Variants in CFAP97 observed in about 807,000 individuals in gnomAD.
CFAP97 encodes cilia- and flagella-associated protein 97.
Under a neutral mutation model 43.1 loss-of-function variants are expected in CFAP97, and 36 were observed. The ratio of observed to expected loss-of-function variants is 0.84; its 90% CI spans 0.64 to 1.10. CFAP97 has a LOEUF of 1.10. Among genes scored for constraint, CFAP97 ranks in the 50% least tolerant of loss-of-function variants. CFAP97 has a pLI of 0.00. For missense variants in CFAP97, 657 were observed against 620.3 expected (o/e 1.06, Z -0.63); for synonymous variants, 228 against 225.7 (o/e 1.01, Z -0.09).
At chr4:185,181,255 G>A (rs917102932) in intron 2 of CFAP97, among the ~76,000 whole-genome samples, 13 of 136,580 alleles carry the variant, frequency 9.5e-5, no homozygotes, top group South Asian at 7.2e-4. Flanking sequence ...GCGAGACTCC[G>A]TCTCAAAAAA....
At chr4:185,179,079 A>G (rs905385636) in intron 2 of CFAP97, among the ~76,000 whole-genome samples, 7 of 152,152 alleles carry the variant, frequency 4.6e-5, no homozygotes, top group African/African-American at 1.2e-4. Context: ...ACGGGGTTTA[A>G]AAGTAAAACT....
At chr4:185,192,547 G>A (rs984070683) in intron 1 of CFAP97, among the ~76,000 whole-genome samples, 6 of 151,816 alleles carry the variant, frequency 4.0e-5, no homozygotes, top group African/African-American at 1.5e-4. Context: ...ATAAAAAATT[G>A]ATTTAAAATA....
intron 3 of CFAP97, 64 bp downstream of exon 3, chr4:185,175,722 A>G (rs1475846220): frequency 6.7e-7 from 1 of 1,490,314 alleles, no homozygotes; most frequent in African/African-American, 1.4e-5. Flanking sequence ...GGTTTCCTGT[A>G]AGCTGGACAT....
upstream of CFAP97, among the ~76,000 whole-genome samples, chr4:185,206,608 G>A (rs1453151545): frequency 3.8e-5 from 5 of 132,832 alleles, no homozygotes; most frequent in Admixed American, 9.2e-5. Flanking sequence ...GCAGTGAGCC[G>A]AGATTGCGCC....
chr4:185,160,307 G>A lies in CFAP97; in HGVS notation c.*2491C>T, dbSNP rs934677116. The A allele has an allele frequency of 2.0e-5, 3 of 151,916 alleles. No individual in the cohort carries two copies. Among genetic ancestry groups the A allele is most frequent in the Non-Finnish European group, 2.9e-5 (2 of 67,988 alleles). The allele number at this position is 151,916 out of a possible 1,614,324, so 9.4% of individuals were successfully genotyped here. On this transcript the variant is annotated 3_prime_UTR_variant, in exon 5 of 5. Transcript: ENST00000458385. ...GAATCTGGCCTAATAACCAGACCTCGGATTAGCATACTTTCTAGTTATAGA... is the reference window on the plus strand; with the variant it reads ...GAATCTGGCCTAATAACCAGACCTCAGATTAGCATACTTTCTAGTTATAGA...
At chr4:185,203,561 T>C (rs570425399) in intron 1 of CFAP97, among the ~76,000 whole-genome samples, 98 of 151,642 alleles carry the variant, frequency 6.5e-4, no homozygotes, top group East Asian at 3.1e-3. Context: ...TAGGTTCGAG[T>C]CCCTACAAGT....
chr4:185,197,102 TAAAA>T (rs60986571), intron 1 of CFAP97, among the ~76,000 whole-genome samples: 1 of 86,800 alleles, frequency 1.2e-5, no homozygotes, highest in Non-Finnish European at 2.1e-5. Flanking sequence ...CCCTCTTAAT[TAAAA>T]AAAAAAAAAA....
intron 2 of CFAP97, 67 bp downstream of exon 2, chr4:185,190,076 A>G: frequency 8.0e-7 from 1 of 1,247,754 alleles, no homozygotes; most frequent in Middle Eastern, 2.0e-4. Flanking sequence ...GCAAATTCAT[A>G]GCATTTAATA....
intron 1 of CFAP97, among the ~76,000 whole-genome samples, chr4:185,192,758 T>TTTTTTTC (rs376440116): frequency 7.8e-6 from 1 of 128,282 alleles, no homozygotes; most frequent in African/African-American, 2.9e-5. Flanking sequence ...TTTTTTTTTT[T>TTTTTTTC]GAGACGGAGT....
At position 185,175,800 on chromosome 4, in the gene CFAP97, C is replaced by T. The variant is rs1436717338; in HGVS notation, c.1306G>A (p.Glu436Lys). 6.2e-7 allele frequency: 1 copy of T among 1,612,412 alleles called. No homozygotes were observed. Among genetic ancestry groups the T allele is most frequent in the South Asian group, 1.1e-5 (1 of 90,736 alleles). The change falls in exon 3 of 5, where the codon GAG becomes AAG. Residue 436 changes from glutamate (E) to lysine (K), a missense_variant. Physicochemically the swap from Glu to Lys is moderately conservative, Grantham distance 56 (BLOSUM62 1). Coordinates refer to ENST00000458385, the MANE Select transcript of CFAP97 (RefSeq NM_020827.3). ...CAGTTACTTACCAAGTTTTCTCTCT[C>T]AATCCTTTGTTGTTCCTTCTGTCTG... ...LNRQKEQQRI[E>K]RENLALLKRL...
upstream of CFAP97, among the ~76,000 whole-genome samples, chr4:185,206,813 T>A (rs890241327): frequency 6.6e-6 from 1 of 152,188 alleles, no homozygotes; most frequent in Non-Finnish European, 1.5e-5. Context: ...TGATACACCC[T>A]TCGCCGGCTG....
intron 1 of CFAP97, among the ~76,000 whole-genome samples, chr4:185,198,681 G>A (rs543406993): frequency 7.9e-5 from 12 of 151,144 alleles, no homozygotes; most frequent in African/African-American, 2.7e-4. Context: ...CCCAGCTACA[G>A]AGGAGGCTGA....
intron 2 of CFAP97, among the ~76,000 whole-genome samples, chr4:185,176,620 G>A (rs185111315): frequency 3.9e-5 from 6 of 152,214 alleles, no homozygotes; most frequent in Non-Finnish European, 5.9e-5. Context: ...CTGGTCTTTA[G>A]GCTAGTATAA....
intron 2 of CFAP97, among the ~76,000 whole-genome samples, chr4:185,188,527 G>A (rs1736101322): frequency 6.6e-6 from 1 of 152,026 alleles, no homozygotes; most frequent in South Asian, 2.1e-4. Context: ...TATTATTTGC[G>A]GAGACGGGGT....
chr4:185,169,360 A>C (rs536899508), intron 3 of CFAP97: 1 of 153,718 alleles, frequency 6.5e-6, no homozygotes, highest in Non-Finnish European at 1.4e-5. Context: ...GATCTGAGTT[A>C]CTTAAAAGTG....
At chr4:185,191,696 G>C (rs1365761007) in intron 1 of CFAP97, among the ~76,000 whole-genome samples, 1 of 152,142 alleles carries the variant, frequency 6.6e-6, no homozygotes, top group Non-Finnish European at 1.5e-5. Flanking sequence ...TGGGCGTGAT[G>C]GCACGTGCCT....
At chr4:185,173,219 C>T (rs1430619199) in intron 3 of CFAP97, among the ~76,000 whole-genome samples, 3 of 151,860 alleles carry the variant, frequency 2.0e-5, no homozygotes, top group African/African-American at 7.3e-5. Flanking sequence ...AAAAATTAGC[C>T]AGGCATGGTA....
In CFAP97 at chr4:185,190,971, G is replaced by A. The variant is rs1206785747; in HGVS notation, c.226C>T (p.Pro76Ser). Residue 76 changes from proline (P) to serine (S), a missense_variant, in exon 2 of 5, where the codon CCC becomes TCC. By Grantham distance (74) the Pro-to-Ser change is moderately conservative (BLOSUM62 -1). Transcript: ENST00000458385. ...EKGNERNVKF[P>S]PEHPVENDVT... is the part of the protein sequence containing the mutation. Reference sequence around the variant, plus strand: ...TCATTCTCTACGGGGTGTTCTGGGGGAAATTTCACGTTTCTTTCATTTCCC... The same window carrying A: ...TCATTCTCTACGGGGTGTTCTGGGGAAAATTTCACGTTTCTTTCATTTCCC... The A allele has an allele frequency of 8.7e-6, 14 of 1,613,600 alleles. No individual in the cohort carries two copies. Among genetic ancestry groups the A allele is most frequent in the Admixed American group, 3.3e-5 (2 of 59,970 alleles).
At chr4:185,195,808 T>C (rs1450028320) in intron 1 of CFAP97, among the ~76,000 whole-genome samples, 1 of 152,204 alleles carries the variant, frequency 6.6e-6, no homozygotes, top group Non-Finnish European at 1.5e-5. Context: ...GAATGGTGAA[T>C]AGGTCTTATA....
Sources: allele counts gnomAD v4.1 joint callset (sites outside exome capture counted in the v4.1 genomes callset), GRCh38; gene constraint gnomAD v4.1.1; transcripts MANE v1.5; gene names NCBI Gene and HGNC (gene_info 2026-07-23, HGNC 2026-07-21).